The following DPP6 variants were observed in gnomAD, a reference collection of about 807,000 sequenced individuals.
DPP6 encodes A-type potassium channel modulatory protein DPP6.
A neutral mutation model predicts 122.6 loss-of-function variants in DPP6; 69 were observed. The ratio of observed to expected loss-of-function variants is 0.56; its 90% confidence interval spans 0.46 to 0.69. The LOEUF is 0.69. DPP6 is among the 30% of genes least tolerant of loss of function. DPP6 has a pLI of 0.00. For missense variants in DPP6, 928 were observed against 1,116.9 expected, an observed-to-expected ratio of 0.83 and a Z score of 2.41; for synonymous variants, 418 against 433.1, an observed-to-expected ratio of 0.97 and a Z score of 0.43.
chr7:154,204,574 A>G (rs2150792879), intron 1 of DPP6, among the ~76,000 whole-genome samples: 1 of 152,238 alleles, frequency 6.6e-6, no homozygotes, highest in East Asian at 1.9e-4. Flanking sequence ...CCTGAGACTC[A>G]TTGGAAGGGA....
At chr7:154,221,814 G>T (rs1800323629) in intron 1 of DPP6, among the ~76,000 whole-genome samples, 1 of 152,202 alleles carries the variant, frequency 6.6e-6, no homozygotes, top group Admixed American at 6.5e-5. Context: ...GAACAATGTT[G>T]GAAGTGGGCC....
At chr7:153,769,960 T>C in the DPP6 span, among the ~76,000 whole-genome samples, 2 of 152,154 alleles carry the variant, frequency 1.3e-5, no homozygotes, top group African/African-American at 2.4e-5. Context: ...GGGCTGCTTC[T>C]ATGCGGAGAA....
At chr7:154,461,815 T>A (rs1821324481) in intron 2 of DPP6, among the ~76,000 whole-genome samples, 1 of 152,306 alleles carries the variant, frequency 6.6e-6, no homozygotes, top group East Asian at 1.9e-4. Context: ...ATTCTGTGGG[T>A]TGTCTTTTAA....
intron 1 of DPP6, among the ~76,000 whole-genome samples, chr7:153,917,587 T>C (rs1296285536): frequency 6.6e-6 from 1 of 152,172 alleles, no homozygotes; most frequent in Non-Finnish European, 1.5e-5. Context: ...GACGCTAAGA[T>C]TCCCTTTCAG....
chr7:154,121,374 A>G (rs1193017677), intron 1 of DPP6, among the ~76,000 whole-genome samples: 1 of 151,604 alleles, frequency 6.6e-6, no homozygotes, highest in African/African-American at 2.4e-5. Context: ...TGGATTCGAG[A>G]TCTTTCTTCC....
intron 1 of DPP6, among the ~76,000 whole-genome samples, chr7:154,088,926 C>T (rs1331831073): frequency 6.6e-6 from 1 of 152,196 alleles, no homozygotes; most frequent in African/African-American, 2.4e-5. Flanking sequence ...ACTGGAGCCA[C>T]ATGTGGCTCC....
At chr7:154,297,078 T>TTG (rs1554511200) in intron 1 of DPP6, among the ~76,000 whole-genome samples, 1,140 of 103,136 alleles carry the variant, frequency 0.011, 10 homozygotes, top group Non-Finnish European at 0.015. Context: ...TTTTTTTTTG[T>TTG]TTTGTTTTTC....
intron 1 of DPP6, among the ~76,000 whole-genome samples, chr7:154,206,239 C>T (rs890313717): frequency 4.6e-5 from 7 of 152,202 alleles, no homozygotes; most frequent in Non-Finnish European, 7.3e-5. Context: ...CAACCAGCAC[C>T]GTGGCTCTCA....
chr7:154,883,061 TCA>T (rs1805539441), intron 21 of DPP6, among the ~76,000 whole-genome samples: 1 of 58,432 alleles, frequency 1.7e-5, no homozygotes, highest in Admixed American at 1.5e-4. Flanking sequence ...GCTCACACAT[TCA>T]CACACATGCT....
the DPP6 span, among the ~76,000 whole-genome samples, chr7:153,835,568 A>G: frequency 1.9e-3 from 282 of 152,108 alleles, 3 homozygotes; most frequent in Non-Finnish European, 7.6e-4. Flanking sequence ...CTGTGAGGGC[A>G]GGTGATCAGG....
chr7:153,845,789 A>G, the DPP6 span, among the ~76,000 whole-genome samples: 8 of 152,136 alleles, frequency 5.3e-5, no homozygotes, highest in Non-Finnish European at 1.2e-4. Context: ...AAGTTAAAAT[A>G]TAATCAATTT....
At chr7:154,673,881 CTT>C (rs57963702) in intron 7 of DPP6, among the ~76,000 whole-genome samples, 34 of 143,596 alleles carry the variant, frequency 2.4e-4, no homozygotes, top group Admixed American at 4.2e-4. Context: ...ATGTTTCTTT[CTT>C]TTTTTTTTTT....
At chr7:154,623,011 G>A (rs1223725774) in intron 5 of DPP6, among the ~76,000 whole-genome samples, 1 of 152,162 alleles carries the variant, frequency 6.6e-6, no homozygotes, top group Non-Finnish European at 1.5e-5. Flanking sequence ...AACTCTGTTG[G>A]GGGTGATGGA....
intron 1 of DPP6, among the ~76,000 whole-genome samples, chr7:154,147,772 G>A (rs1796188178): frequency 6.6e-6 from 1 of 151,922 alleles, no homozygotes; most frequent in Non-Finnish European, 1.5e-5. Flanking sequence ...TTGAACTCCT[G>A]ATCTCAGGTG....
At chr7:153,895,887 A>T (rs1799395263) in intron 1 of DPP6, among the ~76,000 whole-genome samples, 1 of 152,224 alleles carries the variant, frequency 6.6e-6, no homozygotes, top group South Asian at 2.1e-4. Flanking sequence ...ATATTAAAAA[A>T]ATAACCACAC....
chr7:154,635,774 CT>C (rs1290834692), intron 5 of DPP6, among the ~76,000 whole-genome samples: 2 of 152,158 alleles, frequency 1.3e-5, no homozygotes, highest in African/African-American at 4.8e-5. Context: ...ACTCACATGG[CT>C]TCTGGCAAGA....
At chr7:153,914,242 T>G (rs1443848608) in intron 1 of DPP6, among the ~76,000 whole-genome samples, 2 of 152,178 alleles carry the variant, frequency 1.3e-5, no homozygotes, top group Non-Finnish European at 2.9e-5. Flanking sequence ...ACGTGCCTTT[T>G]GCCTTCTGCC....
At chr7:153,840,940 T>C in the DPP6 span, among the ~76,000 whole-genome samples, 2 of 152,166 alleles carry the variant, frequency 1.3e-5, no homozygotes, top group East Asian at 3.9e-4. Context: ...AAGGCAAGCC[T>C]GAGGAGCAGT....
At chr7:153,864,038 C>T in the DPP6 span, among the ~76,000 whole-genome samples, 6 of 152,246 alleles carry the variant, frequency 3.9e-5, no homozygotes, top group African/African-American at 1.2e-4. Flanking sequence ...CTGCTCTGAA[C>T]ATTTGTGGGT....
Sources: allele counts gnomAD v4.1 joint callset (sites outside exome capture counted in the v4.1 genomes callset), GRCh38; gene constraint gnomAD v4.1.1; transcripts MANE v1.5; gene names NCBI Gene and HGNC (gene_info 2026-07-23, HGNC 2026-07-21).